ABHD15: variants seen among roughly 807,000 people sequenced by gnomAD.
The protein encoded by ABHD15 is protein ABHD15.
A neutral mutation model predicts 34.4 loss-of-function variants in ABHD15; 34 were observed. The observed-to-expected ratio is 0.99, with a 90% CI of 0.75 to 1.32. ABHD15 has a LOEUF of 1.32. ABHD15 is among the 40% of genes most tolerant of loss of function. The probability of loss-of-function intolerance (pLI) is 0.00; values close to 1 mark genes in which losing one functional copy is unlikely to be tolerated. For missense variants in ABHD15, 644 were observed against 650.4 expected, an observed-to-expected ratio of 0.99 and a Z score of 0.11; for synonymous variants, 314 against 299.2, an observed-to-expected ratio of 1.05 and a Z score of -0.51.
rs1307716355 is a variant in ABHD15, at chr17:29,563,077, T to TGTGG, written c.887_890dup (p.Ala298HisfsTer22). 1 of 1,601,446 alleles carries TGTGG rather than the reference T, an allele frequency of 6.2e-7. No individual in the cohort carries two copies. The highest frequency in any genetic ancestry group is 1.1e-5 in the South Asian group (1 of 90,918). On this transcript the variant is annotated frameshift_variant, in exon 2 of 2. Coordinates refer to ENST00000307201, the MANE Select transcript of ABHD15 (RefSeq NM_198147.3). LOFTEE classifies it high-confidence loss of function. ...TGGTGTCCACAGTGTCCTCCAGGGC[T>TGTGG]GTGGCATACCTGGCAGCGAGGTGTT...
At chr17:29,563,255 A>T (rs1212113605) in intron 1 of ABHD15, among the ~76,000 whole-genome samples, 169 bp from the exon 2 acceptor site, 1 of 152,168 alleles carries the variant, frequency 6.6e-6, no homozygotes, top group Non-Finnish European at 1.5e-5. Context: ...CATCATTTAA[A>T]ACCAGATAAG....
At chr17:29,566,005 G>A (rs1266043830) in intron 1 of ABHD15, 81 bp downstream of exon 1, 3 of 1,488,488 alleles carry the variant, frequency 2.0e-6, no homozygotes, top group Non-Finnish European at 2.7e-6. Context: ...CTGTTCCAAT[G>A]CTATGCATAG....
rs2032638380 is a variant in ABHD15 at position 29,562,438 on chromosome 17, G to A, written c.*123C>T. ...TTTCAAGGCACCAATTTAAGAGAGA[G>A]GGACTGAATGAGGAGCACAGAGCTG... On this transcript the variant is annotated 3_prime_UTR_variant, in exon 2 of 2. Coordinates refer to ENST00000307201, the MANE Select transcript of ABHD15 (RefSeq NM_198147.3). The A allele has an allele frequency of 1.8e-6, 2 of 1,100,750 alleles. No homozygotes were observed. Among genetic ancestry groups the A allele is most frequent in the Non-Finnish European group, 2.6e-6 (2 of 772,784 alleles). The allele number at this position is 1,100,750 out of a possible 1,614,324, so 68.2% of individuals were successfully genotyped here.
chr17:29,566,763 T>C lies in ABHD15; in HGVS notation c.204A>G (p.Gly68=). Residue 68 remains glycine (G), a synonymous_variant, in exon 1 of 2, where the codon GGA becomes GGG. Coordinates refer to ENST00000307201, the MANE Select transcript of ABHD15 (RefSeq NM_198147.3). ...ACGGCTTGCAAACAAGGCTGCACCC[T>C]CCCGGCAGTGGCTCGCGCCCGTCGC... ...QFSDGREPLP[G]GCSLVCKPSA... 2 of 1,533,534 alleles carry C rather than the reference T, an allele frequency of 1.3e-6. No individual in the cohort carries two copies. Among genetic ancestry groups the C allele is most frequent in the East Asian group, 4.9e-5 (2 of 40,730 alleles). The allele number at this position is 1,533,534 out of a possible 1,614,324, so 95.0% of individuals were successfully genotyped here.
rs1432950854 is a variant in ABHD15 at position 29,561,001 on chromosome 17, G to A, written c.*1560C>T. ...ACAAGATAATGTCCCTTAGATTATCGAGTGCTGTCTACATTTCAGTGCAGA... is the reference window on the plus strand; with the variant it reads ...ACAAGATAATGTCCCTTAGATTATCAAGTGCTGTCTACATTTCAGTGCAGA... On this transcript the variant is annotated 3_prime_UTR_variant, in exon 2 of 2. Coordinates refer to ENST00000307201, the MANE Select transcript of ABHD15 (RefSeq NM_198147.3). 4 of 152,096 alleles carry A rather than the reference G, an allele frequency of 2.6e-5. No homozygotes were observed. Among genetic ancestry groups the A allele is most frequent in the Admixed American group, 1.3e-4 (2 of 15,262 alleles). 9.4% of individuals were successfully genotyped at this position (152,096 alleles called of 1,614,324 possible).
chr17:29,563,690 T>G (rs2032663641), intron 1 of ABHD15, among the ~76,000 whole-genome samples: 1 of 151,880 alleles, frequency 6.6e-6, no homozygotes, highest in Non-Finnish European at 1.5e-5. Context: ...TGAAACCCCA[T>G]CTCTACTAAA....
At position 29,562,945 on chromosome 17, in the gene ABHD15, C is replaced by G. The variant is rs721479; in HGVS notation, c.1023G>C (p.Pro341=). The G allele has an allele frequency of 0.17, 273,331 of 1,613,870 alleles. 24,825 individuals are homozygous for G. Among genetic ancestry groups the G allele is most frequent in the African/African-American group, 0.34 (25,717 of 74,966 alleles). Residue 341 remains proline, a synonymous_variant, in exon 2 of 2, where the codon CCG becomes CCC. Transcript: ENST00000307201. ...CGGCTGCCTCATCGACATCCCGGAG[C>G]GGGTCGTTGCGGTCCCAGTAGGTAT... ...SWDTYWDRND[P]LRDVDEAAVP... is the part of the protein sequence containing the mutation.
chr17:29,566,886 T>A lies in ABHD15; in HGVS notation c.81A>T (p.Gly27=). 2 of 1,492,016 alleles carry A rather than the reference T, an allele frequency of 1.3e-6. No individual in the cohort carries two copies. The highest frequency in any genetic ancestry group is 1.8e-6 in the Non-Finnish European group (2 of 1,129,634). 92.4% of individuals were successfully genotyped at this position (1,492,016 alleles called of 1,614,324 possible). A position where few individuals can be genotyped will look rare whatever the true frequency, so the allele number is the denominator to read the frequency against. Residue 27 remains glycine (G), a synonymous_variant, in exon 1 of 2, where the codon GGA becomes GGT. Transcript: ENST00000307201. ...LLGLLGPRLR[G]PWGRAVGERT... ...TCTCTCCGACGGCGCGCCCCCAGGG[T>A]CCCCGGAGCCGCGGGCCGAGCAGGC...
chr17:29,562,515 GCT>G lies in ABHD15; in HGVS notation c.*44_*45del, dbSNP rs1320739974. The G allele has an allele frequency of 1.9e-6, 3 of 1,561,386 alleles. No homozygotes were observed. Among genetic ancestry groups the G allele is most frequent in the Non-Finnish European group, 2.6e-6 (3 of 1,153,128 alleles). On this transcript the variant is annotated 3_prime_UTR_variant, in exon 2 of 2. Coordinates refer to ENST00000307201, the MANE Select transcript of ABHD15 (RefSeq NM_198147.3). ...TCTTTCCAGGACTCCCCCTTGCCCA[GCT>G]CTGTTTTTCTTTGCAGGACTTGGGG...
chr17:29,566,530 C>A lies in ABHD15; in HGVS notation c.437G>T (p.Arg146Leu). The A allele has an allele frequency of 6.2e-7, 1 of 1,610,770 alleles. No individual in the cohort carries two copies. Among genetic ancestry groups the A allele is most frequent in the Non-Finnish European group, 8.5e-7 (1 of 1,179,646 alleles). ...CCCGGCGCTGGTGATCCGGCGGCCC[C>A]GAACACAAGGTCCTACCACCCAGTC... Reference protein sequence around the residue: ...ALDWVVGPCVRGRRITSAGGL... With the variant: ...ALDWVVGPCVLGRRITSAGGL... Residue 146 changes from arginine to leucine, a missense_variant, in exon 1 of 2, where the codon CGG (arginine) becomes CTG (leucine). Physicochemically the swap from Arg to Leu is moderately radical, Grantham distance 102 (BLOSUM62 -2). Transcript: ENST00000307201.
chr17:29,566,754 G>A lies in ABHD15; in HGVS notation c.213C>T (p.Ser71=), dbSNP rs1239007273. ...CCAGGGCCGACGGCTTGCAAACAAG[G>A]CTGCACCCTCCCGGCAGTGGCTCGC... ...DGREPLPGGC[S]LVCKPSALAQ... Residue 71 remains serine, a synonymous_variant, in exon 1 of 2, where the codon AGC becomes AGT. Coordinates refer to ENST00000307201, the MANE Select transcript of ABHD15 (RefSeq NM_198147.3). 6.5e-7 allele frequency: 1 copy of A among 1,544,854 alleles called. No individual in the cohort carries two copies. Among genetic ancestry groups the A allele is most frequent in the South Asian group, 1.2e-5 (1 of 84,934 alleles).
Position 29,563,059 on chromosome 17 carries a change from C to T in ABHD15, c.909G>A (p.Val303=). 1.2e-6 allele frequency: 2 copies of T among 1,608,432 alleles called. No homozygotes were observed. The highest frequency in any genetic ancestry group is 1.7e-6 in the Non-Finnish European group (2 of 1,179,728). The change falls in exon 2 of 2, where the codon GTG becomes GTA. Residue 303 remains valine, a synonymous_variant. Coordinates refer to ENST00000307201, the MANE Select transcript of ABHD15 (RefSeq NM_198147.3). The part of the protein sequence containing the change: ...SRYATALEDT[V]DTSRLFRSRS... Reference sequence around the variant, plus strand: ...GGCTCCTGAACAGTCTGCTGGTGTCCACAGTGTCCTCCAGGGCTGTGGCAT... The same window carrying T: ...GGCTCCTGAACAGTCTGCTGGTGTCTACAGTGTCCTCCAGGGCTGTGGCAT...
At position 29,566,727 on chromosome 17, in the gene ABHD15, G is replaced by A. The variant is rs761632546; in HGVS notation, c.240C>T (p.Ala80=). ...GCCGCAGGGCGCGCAGCAGGCACTG[G>A]GCCAGGGCCGACGGCTTGCAAACAA... ...CSLVCKPSAL[A]QCLLRALRRS... Residue 80 remains alanine (A), a synonymous_variant, in exon 1 of 2, where the codon GCC becomes GCT. Transcript: ENST00000307201. The A allele has an allele frequency of 2.5e-6, 4 of 1,569,402 alleles. No individual in the cohort carries two copies. The highest frequency in any genetic ancestry group is 3.4e-6 in the Non-Finnish European group (4 of 1,164,538).
intron 1 of ABHD15, among the ~76,000 whole-genome samples, chr17:29,565,672 CA>C (rs1349675348): frequency 6.6e-6 from 1 of 152,222 alleles, no homozygotes; most frequent in East Asian, 1.9e-4. Flanking sequence ...CCTCCAGGCT[CA>C]GAGACTGTGA....
In ABHD15 at chr17:29,562,841, TG is replaced by T; in HGVS notation, c.1126del (p.His376ThrfsTer40). ...PDHTLTTELF[H>X]SNPYFFLLLS... Reference sequence around the variant, plus strand: ...CAGGAGGAAGAAGTAGGGGTTGCTGTGGAAGAGTTCAGTTGTCAGAGTGTGG... The same window carrying T: ...CAGGAGGAAGAAGTAGGGGTTGCTGTGAAGAGTTCAGTTGTCAGAGTGTGG... On this transcript the variant is annotated frameshift_variant, in exon 2 of 2. Transcript: ENST00000307201. LOFTEE classifies it high-confidence loss of function. The T allele has an allele frequency of 6.2e-7, 1 of 1,613,800 alleles. No individual in the cohort carries two copies. The highest frequency in any genetic ancestry group is 1.1e-5 in the South Asian group (1 of 91,078).
At position 29,566,312 on chromosome 17, in the gene ABHD15, C is replaced by A. The variant is rs1310436511; in HGVS notation, c.655G>T (p.Val219Phe). ...GGGTGTCGGAAGCGGATGTATGTGA[C>A]CGCCTCCTTGAGGTCGGACGGGTCC... ...FGDPSDLKEA[V>F]TYIRFRHPAA... Residue 219 changes from valine to phenylalanine, a missense_variant, in exon 1 of 2, where the codon GTC becomes TTC. By Grantham distance (50) the Val-to-Phe change is conservative (BLOSUM62 -1). Coordinates refer to ENST00000307201, the MANE Select transcript of ABHD15 (RefSeq NM_198147.3). The A allele has an allele frequency of 6.2e-7, 1 of 1,611,792 alleles. No homozygotes were observed. The highest frequency in any genetic ancestry group is 8.5e-7 in the Non-Finnish European group (1 of 1,179,348).
chr17:29,566,418 C>A lies in ABHD15; in HGVS notation c.549G>T (p.Glu183Asp). 6.2e-7 allele frequency: 1 copy of A among 1,612,212 alleles called. No individual in the cohort carries two copies. Among genetic ancestry groups the A allele is most frequent in the Non-Finnish European group, 8.5e-7 (1 of 1,179,564 alleles). ...NVLGLCLLAL[E>D]RGYYPVIFHR... ...GGAAGATGACCGGGTAGTAGCCGCG[C>A]TCCAGGGCGAGCAAGCAAAGGCCGA... The change falls in exon 1 of 2, where the codon GAG (glutamate) becomes GAT (aspartate). Residue 183 changes from glutamate to aspartate, a missense_variant. By Grantham distance (45) the Glu-to-Asp change is conservative. Transcript: ENST00000307201.
chr17:29,563,118 G>C (rs1412014606), intron 1 of ABHD15, 32 bp from the exon 2 acceptor site: 1 of 1,571,882 alleles, frequency 6.4e-7, no homozygotes, highest in Non-Finnish European at 8.6e-7. Flanking sequence ...GGGAAGGTGG[G>C]AAAGAGAGGG....
At position 29,566,719 on chromosome 17, in the gene ABHD15, A is replaced by G; in HGVS notation, c.248T>C (p.Leu83Pro). The change falls in exon 1 of 2, where the codon CTG becomes CCG. Residue 83 changes from leucine to proline, a missense_variant. Coordinates refer to ENST00000307201, the MANE Select transcript of ABHD15 (RefSeq NM_198147.3). The stretch of plus-strand genomic sequence containing the variant: ...CTCTGAGCGCCGCAGGGCGCGCAGC[A>G]GGCACTGGGCCAGGGCCGACGGCTT... The part of the protein sequence containing the change: ...VCKPSALAQC[L>P]LRALRRSEAL... The G allele has an allele frequency of 1.3e-6, 2 of 1,576,982 alleles. No homozygotes were observed. The highest frequency in any genetic ancestry group is 1.3e-5 in the African/African-American group (1 of 74,524).
Sources: allele counts gnomAD v4.1 joint callset (sites outside exome capture counted in the v4.1 genomes callset), GRCh38; gene constraint gnomAD v4.1.1; transcripts MANE v1.5; gene names NCBI Gene and HGNC (gene_info 2026-07-23, HGNC 2026-07-21).